ATG7: variants seen among roughly 807,000 people sequenced by gnomAD.
ATG7 encodes the protein autophagy related 7.
Under a neutral mutation model 82.4 loss-of-function variants are expected in ATG7, and 70 were observed. The ratio of observed to expected loss-of-function variants is 0.85; its 90% CI spans 0.70 to 1.04. ATG7 has a LOEUF of 1.04. Ranked by LOEUF, ATG7 falls within the 50% of genes least tolerant of loss-of-function variation. The pLI is 0.00. For synonymous variants in ATG7, 287 were observed against 313.0 expected (o/e 0.92, Z 0.88); for missense variants, 792 against 864.3 (o/e 0.92, Z 1.05).
intron 3 of ATG7, among the ~76,000 whole-genome samples, chr3:11,282,794 A>C (rs1381195395): frequency 6.6e-6 from 1 of 152,220 alleles, no homozygotes; most frequent in African/African-American, 2.4e-5. Context: ...ATGAGGTTGC[A>C]GAAGCATCAT....
intron 17 of ATG7, among the ~76,000 whole-genome samples, chr3:11,363,420 T>G (rs2076401516): frequency 6.6e-6 from 1 of 152,148 alleles, no homozygotes; most frequent in African/African-American, 2.4e-5. Flanking sequence ...TTTTTGTATT[T>G]TTAGTAGAGA....
At chr3:11,534,214 G>A (rs1026217104) in intron 20 of ATG7, among the ~76,000 whole-genome samples, 1 of 152,236 alleles carries the variant, frequency 6.6e-6, no homozygotes, top group Non-Finnish European at 1.5e-5. Context: ...CAGCACCCTA[G>A]GTCTAGGAGT....
chr3:11,456,599 C>T (rs1249481996), intron 20 of ATG7, among the ~76,000 whole-genome samples: 4 of 152,112 alleles, frequency 2.6e-5, no homozygotes, highest in Non-Finnish European at 5.9e-5. Flanking sequence ...TCGCTTAACA[C>T]TAATACACCT....
chr3:11,555,144 C>A lies in ATG7; in HGVS notation c.*301C>A, dbSNP rs2072282462. On this transcript the variant is annotated 3_prime_UTR_variant, in exon 21 of 21. Transcript: ENST00000693202. The stretch of plus-strand genomic sequence containing the variant: ...GTGACTGATAGCCATCCCCCAGGAT[C>A]CTTTCCCCTTGGCCCTGAGGGGGTG... 2.3e-6 allele frequency: 1 copy of A among 427,344 alleles called. No individual in the cohort carries two copies. The highest frequency in any genetic ancestry group is 4.2e-6 in the Non-Finnish European group (1 of 239,262). 26.5% of individuals were successfully genotyped at this position (427,344 alleles called of 1,614,324 possible).
At chr3:11,366,630 T>A (rs1424906540) in intron 18 of ATG7, among the ~76,000 whole-genome samples, 2 of 152,204 alleles carry the variant, frequency 1.3e-5, no homozygotes, top group Non-Finnish European at 2.9e-5. Flanking sequence ...CTTAATTAAA[T>A]TTTCAGTCAT....
chr3:11,550,008 A>G (rs775765841), intron 20 of ATG7, among the ~76,000 whole-genome samples: 6 of 152,258 alleles, frequency 3.9e-5, no homozygotes, highest in East Asian at 1.9e-4. Context: ...ATTTGCCATT[A>G]TATTTCCTCT....
chr3:11,559,190 A>G, downstream of ATG7: 2 of 1,372,320 alleles, frequency 1.5e-6, no homozygotes, highest in East Asian at 2.5e-5. Context: ...CTAGGCGCAC[A>G]CTGGACGTGC....
chr3:11,283,372 CTGCT>C (rs1943397731), intron 3 of ATG7, among the ~76,000 whole-genome samples: 2 of 152,170 alleles, frequency 1.3e-5, no homozygotes, highest in African/African-American at 2.4e-5. Flanking sequence ...CATTTATTGA[CTGCT>C]TGCTGTATGC....
chr3:11,426,204 TTTTC>T (rs1463734919), intron 19 of ATG7, among the ~76,000 whole-genome samples: 6 of 152,192 alleles, frequency 3.9e-5, no homozygotes, highest in African/African-American at 1.4e-4. Flanking sequence ...GCACTTGGTA[TTTTC>T]TTTGTCATTT....
At chr3:11,551,512 A>G (rs953998487) in intron 20 of ATG7, among the ~76,000 whole-genome samples, 4 of 152,214 alleles carry the variant, frequency 2.6e-5, no homozygotes, top group African/African-American at 9.6e-5. Context: ...CAGCTGTTTT[A>G]GAGGCTTCAT....
At chr3:11,480,533 C>T (rs1425371825) in intron 20 of ATG7, among the ~76,000 whole-genome samples, 2 of 151,996 alleles carry the variant, frequency 1.3e-5, no homozygotes, top group African/African-American at 4.8e-5. Flanking sequence ...ACATGACTGC[C>T]CTCCAGCCTG....
chr3:11,547,689 T>G (rs1485517087), intron 20 of ATG7, among the ~76,000 whole-genome samples: 1 of 152,234 alleles, frequency 6.6e-6, no homozygotes, highest in Non-Finnish European at 1.5e-5. Context: ...CTTACTATGA[T>G]CTGGCTTTTT....
chr3:11,561,916 T>TTA (rs397943216), downstream of ATG7, among the ~76,000 whole-genome samples: 2 of 148,272 alleles, frequency 1.3e-5, no homozygotes, highest in Non-Finnish European at 3.0e-5. Context: ...TTTTTTTTTT[T>TTA]AAAGACAAAG....
intron 20 of ATG7, among the ~76,000 whole-genome samples, chr3:11,522,452 G>A (rs186893603): frequency 1.3e-5 from 2 of 151,102 alleles, no homozygotes; most frequent in Non-Finnish European, 2.9e-5. Flanking sequence ...TCCGGAATAA[G>A]CTCACGATTT....
chr3:11,444,868 G>GA (rs35561674), intron 20 of ATG7, among the ~76,000 whole-genome samples: 95,536 of 151,900 alleles, frequency 0.63, 30,260 homozygotes, highest in East Asian at 0.7. Context: ...AATTTACAAG[G>GA]AAAAAACCCC....
At chr3:11,414,427 C>T (rs140767378) in intron 19 of ATG7, among the ~76,000 whole-genome samples, 9 of 152,264 alleles carry the variant, frequency 5.9e-5, no homozygotes, top group African/African-American at 1.2e-4. Flanking sequence ...GCTGTGATTG[C>T]GTGTTAGTTC....
chr3:11,503,425 G>C (rs1248218141), intron 20 of ATG7, among the ~76,000 whole-genome samples: 1 of 152,024 alleles, frequency 6.6e-6, no homozygotes, highest in African/African-American at 2.4e-5. Context: ...CAGTGAAAGA[G>C]GTACTACATT....
At chr3:11,473,458 A>G in intron 20 of ATG7, among the ~76,000 whole-genome samples, 1 of 152,200 alleles carries the variant, frequency 6.6e-6, no homozygotes, top group East Asian at 1.9e-4. Flanking sequence ...TAAAGGGAGG[A>G]TAAATAATTT....
chr3:11,294,017 C>CA (rs148344958), intron 3 of ATG7, among the ~76,000 whole-genome samples: 2,708 of 98,304 alleles, frequency 0.028, 102 homozygotes, highest in African/African-American at 0.097. Context: ...GACTCCGTCT[C>CA]AAAAAAAAAA....
Sources: gnomAD v4.1 joint callset for allele counts (sites outside exome capture counted in the v4.1 genomes callset) on GRCh38, gnomAD v4.1.1 for gene constraint, MANE v1.5 for transcripts, NCBI Gene and HGNC (gene_info 2026-07-23, HGNC 2026-07-21) for gene names.